HPSE2: variants seen among roughly 807,000 people sequenced by gnomAD.
HPSE2 encodes inactive heparanase-2.
Under a neutral mutation model 60.5 loss-of-function variants are expected in HPSE2, and 38 were observed. That is an observed-to-expected ratio of 0.63 (90% CI 0.48 to 0.82). The LOEUF (loss-of-function observed/expected upper bound fraction) is 0.82. Ranked by LOEUF, HPSE2 falls within the 40% of genes least tolerant of loss-of-function variation. HPSE2 has a pLI of 0.00. For missense variants in HPSE2, 713 were observed against 740.4 expected (o/e 0.96, Z 0.43); for synonymous variants, 295 against 293.2 (o/e 1.01, Z -0.06).
intron 7 of HPSE2, among the ~76,000 whole-genome samples, chr10:98,632,363 T>C (rs1946386430): frequency 6.6e-6 from 1 of 152,234 alleles, no homozygotes; most frequent in Admixed American, 6.5e-5. Context: ...TGCCTACTGT[T>C]TACCCTCTCC....
At chr10:98,699,075 G>A (rs1466139196) in intron 5 of HPSE2, among the ~76,000 whole-genome samples, 2 of 151,846 alleles carry the variant, frequency 1.3e-5, no homozygotes, top group Non-Finnish European at 2.9e-5. Context: ...AGGAGGAACT[G>A]GTACCATTCC....
At chr10:98,927,314 A>G (rs1954501271) in intron 3 of HPSE2, among the ~76,000 whole-genome samples, 1 of 152,028 alleles carries the variant, frequency 6.6e-6, no homozygotes, top group Admixed American at 6.6e-5. Flanking sequence ...ATATATTTAA[A>G]CCACTGCTCA....
rs114038201 is a variant in HPSE2 at position 99,168,663 on chromosome 10, T to C, written c.449-24264A>G. Among the ~76,000 whole-genome samples, 381 of 152,302 alleles carry C rather than the reference T, an allele frequency of 2.5e-3. 3 individuals carry two copies. The highest frequency in any genetic ancestry group is 8.7e-3 in the African/African-American group (360 of 41,560). On this transcript the variant is annotated intron_variant, in intron 2 of 11. Coordinates refer to ENST00000370552, the MANE Select transcript of HPSE2 (RefSeq NM_021828.5). ...GGAAGGAATATTTAGGAGGGAGTTATCAGAATATCAGAATTTCAGGCAATT... is the reference window on the plus strand; with the variant it reads ...GGAAGGAATATTTAGGAGGGAGTTACCAGAATATCAGAATTTCAGGCAATT...
intron 3 of HPSE2, among the ~76,000 whole-genome samples, chr10:98,766,429 T>C (rs1162006720): frequency 6.6e-6 from 1 of 152,218 alleles, no homozygotes; most frequent in Non-Finnish European, 1.5e-5. Context: ...TAGTTCTTAA[T>C]GCATTTTGAG....
the HPSE2 span, among the ~76,000 whole-genome samples, chr10:99,311,452 T>C: frequency 1.3e-5 from 2 of 152,242 alleles, no homozygotes; most frequent in African/African-American, 2.4e-5. Context: ...TTTTTCATTA[T>C]GATTATTATG....
chr10:98,593,203 G>C (rs571226185), intron 9 of HPSE2, among the ~76,000 whole-genome samples: 2 of 152,124 alleles, frequency 1.3e-5, no homozygotes, highest in South Asian at 4.1e-4. Flanking sequence ...TATAATCAAA[G>C]TGCTATGAAA....
chr10:98,733,515 G>T (rs971430625), intron 4 of HPSE2, among the ~76,000 whole-genome samples: 1 of 152,092 alleles, frequency 6.6e-6, no homozygotes, highest in African/African-American at 2.4e-5. Flanking sequence ...AGTAGAAAAC[G>T]TACTTCACTT....
chr10:98,960,564 CG>C (rs771844967), intron 3 of HPSE2, among the ~76,000 whole-genome samples: 100 of 151,834 alleles, frequency 6.6e-4, no homozygotes, highest in African/African-American at 2.2e-3. Context: ...AACCTGAAAA[CG>C]GAAGTTTAAA....
intron 8 of HPSE2, among the ~76,000 whole-genome samples, chr10:98,616,936 T>G (rs1160425635): frequency 6.6e-6 from 1 of 152,226 alleles, no homozygotes; most frequent in Non-Finnish European, 1.5e-5. Context: ...TGTCAAAGGC[T>G]GTCCTGTGGT....
intron 5 of HPSE2, among the ~76,000 whole-genome samples, chr10:98,710,683 A>T (rs767932337): frequency 6.6e-6 from 1 of 152,168 alleles, no homozygotes; most frequent in Non-Finnish European, 1.5e-5. Flanking sequence ...CATTTTCTAG[A>T]TAAGAAACTG....
intron 2 of HPSE2, among the ~76,000 whole-genome samples, chr10:99,206,295 T>G (rs1401477674): frequency 6.6e-6 from 1 of 152,158 alleles, no homozygotes; most frequent in Non-Finnish European, 1.5e-5. Context: ...GTACTTATGT[T>G]TTTCAGAAAT....
At chr10:98,821,197 C>CT (rs1951415069) in intron 3 of HPSE2, among the ~76,000 whole-genome samples, 1 of 152,162 alleles carries the variant, frequency 6.6e-6, no homozygotes, top group Non-Finnish European at 1.5e-5. Flanking sequence ...ACATGCATCT[C>CT]TTAAGTACGG....
intron 3 of HPSE2, among the ~76,000 whole-genome samples, chr10:98,879,852 C>CGTGTGTGTGTGTGTGTGT (rs3043546): frequency 6.9e-6 from 1 of 145,784 alleles, no homozygotes; most frequent in East Asian, 2.1e-4. Flanking sequence ...TGTGCATGTG[C>CGTGTGTGTGTGTGTGTGT]GTGTGTGTGT....
At chr10:98,807,185 C>T (rs567428464) in intron 3 of HPSE2, among the ~76,000 whole-genome samples, 25 of 152,230 alleles carry the variant, frequency 1.6e-4, no homozygotes, top group African/African-American at 2.9e-4. Context: ...ATCTCAAATA[C>T]GCATCACTCA....
chr10:98,965,656 G>A (rs1249053381), intron 3 of HPSE2, among the ~76,000 whole-genome samples: 1 of 152,016 alleles, frequency 6.6e-6, no homozygotes, highest in Non-Finnish European at 1.5e-5. Flanking sequence ...CATCCTTCAA[G>A]TTCTCTTCAA....
Position 98,827,677 on chromosome 10 carries a change from G to C in HPSE2, c.611-83621C>G, listed in dbSNP as rs143908570. ...AGGTAGTCAAAAGACTGGAGAAATAGAAGTGTGGATGAATTACATATTTTG... is the reference window on the plus strand; with the variant it reads ...AGGTAGTCAAAAGACTGGAGAAATACAAGTGTGGATGAATTACATATTTTG... On this transcript the variant is annotated intron_variant, in intron 3 of 11. Coordinates refer to ENST00000370552, the MANE Select transcript of HPSE2 (RefSeq NM_021828.5). 3.7e-3 allele frequency among the ~76,000 whole-genome samples: 568 copies of C among 152,322 alleles called. 3 individuals carry two copies. Among genetic ancestry groups the C allele is most frequent in the African/African-American group, 0.013 (549 of 41,572 alleles).
chr10:98,890,846 G>T (rs566659794), intron 3 of HPSE2, among the ~76,000 whole-genome samples: 1 of 152,226 alleles, frequency 6.6e-6, no homozygotes, highest in East Asian at 1.9e-4. Context: ...TTAGTGACAG[G>T]ACTAGATTGT....
chr10:98,800,890 C>T (rs60717674), intron 3 of HPSE2, among the ~76,000 whole-genome samples: 2,046 of 152,148 alleles, frequency 0.013, 40 homozygotes, highest in African/African-American at 0.046. Flanking sequence ...CTAGTGATAC[C>T]CTGATAGCTA....
At chr10:98,609,418 ACT>A (rs572067469) in intron 9 of HPSE2, among the ~76,000 whole-genome samples, 71 of 152,302 alleles carry the variant, frequency 4.7e-4, no homozygotes, top group African/African-American at 1.5e-3. Context: ...CTTTTGAAAT[ACT>A]CTTTTTTCTT....
Sources: allele counts gnomAD v4.1 joint callset (sites outside exome capture counted in the v4.1 genomes callset), GRCh38; gene constraint gnomAD v4.1.1; transcripts MANE v1.5; gene names NCBI Gene and HGNC (gene_info 2026-07-23, HGNC 2026-07-21).